Variants in MAPK10 observed in about 807,000 individuals in gnomAD.
MAPK10 encodes mitogen-activated protein kinase 10, also known as JNK3 alpha protein kinase.
In MAPK10, 25 loss-of-function variants were observed where a neutral mutation model predicts 59.3. That is an observed-to-expected ratio of 0.42 (90% CI 0.31 to 0.59). The LOEUF (loss-of-function observed/expected upper bound fraction) is 0.59, where lower values mean the gene tolerates loss of function less well. Among genes scored for constraint, MAPK10 ranks in the 20% least tolerant of loss-of-function variants. The pLI, the probability that MAPK10 is intolerant of heterozygous loss-of-function variation, is 0.15. For missense variants in MAPK10, 351 were observed against 568.9 expected (o/e 0.62, Z 3.90); for synonymous variants, 190 against 200.5 (o/e 0.95, Z 0.44).
chr4:86,374,484 G>A (rs1739459556), intron 1 of MAPK10, among the ~76,000 whole-genome samples: 1 of 152,156 alleles, frequency 6.6e-6, no homozygotes, highest in African/African-American at 2.4e-5. Flanking sequence ...CTAAATCACT[G>A]TCCAATCATT....
intron 2 of MAPK10, among the ~76,000 whole-genome samples, chr4:86,298,630 T>C (rs895911296): frequency 6.6e-6 from 1 of 152,250 alleles, no homozygotes; most frequent in African/African-American, 2.4e-5. Flanking sequence ...GCCAGGCATA[T>C]AGTAGACACT....
intron 1 of MAPK10, among the ~76,000 whole-genome samples, chr4:86,355,231 C>G (rs1733792471): frequency 6.6e-6 from 1 of 152,096 alleles, no homozygotes; most frequent in African/African-American, 2.4e-5. Context: ...CAACATTCTA[C>G]CCAATGTCAA....
chr4:86,201,366 T>A (rs1381133381), intron 2 of MAPK10, among the ~76,000 whole-genome samples: 1 of 151,902 alleles, frequency 6.6e-6, no homozygotes, highest in Non-Finnish European at 1.5e-5. Flanking sequence ...CTGCCAACAT[T>A]TGATGTAATC....
chr4:86,301,543 C>A (rs17408832), intron 2 of MAPK10, among the ~76,000 whole-genome samples: 2 of 151,890 alleles, frequency 1.3e-5, no homozygotes. Context: ...ATCTATTATC[C>A]TCTTTAATGA....
intron 1 of MAPK10, among the ~76,000 whole-genome samples, chr4:86,495,203 G>A (rs925389865): frequency 6.6e-6 from 1 of 152,092 alleles, no homozygotes; most frequent in Admixed American, 6.5e-5. Context: ...TTAATGATAT[G>A]GTAAGATGGG....
chr4:86,333,610 G>C (rs2096206568), intron 2 of MAPK10, among the ~76,000 whole-genome samples: 1 of 152,164 alleles, frequency 6.6e-6, no homozygotes, highest in South Asian at 2.1e-4. Flanking sequence ...TCTCTTCCCA[G>C]AGTTTCTGGA....
chr4:86,207,563 GT>G (rs1725788728), intron 2 of MAPK10, among the ~76,000 whole-genome samples: 1 of 152,118 alleles, frequency 6.6e-6, no homozygotes, highest in Non-Finnish European at 1.5e-5. Flanking sequence ...CTTTAAAGTA[GT>G]TTTTTCCAAT....
At chr4:86,100,376 T>C (rs2055117656) in intron 8 of MAPK10, 1 of 152,174 alleles carries the variant, frequency 6.6e-6, no homozygotes, top group Non-Finnish European at 1.5e-5. Context: ...ATTCCTTCCA[T>C]AGCCTTCATT....
intron 1 of MAPK10, among the ~76,000 whole-genome samples, chr4:86,408,692 A>G: frequency 6.6e-6 from 1 of 152,194 alleles, no homozygotes; most frequent in East Asian, 1.9e-4. Context: ...GGCTGCATAA[A>G]TGTCTTCTTT....
intron 2 of MAPK10, among the ~76,000 whole-genome samples, chr4:86,304,387 CTTT>C (rs1162506350): frequency 3.6e-5 from 4 of 112,558 alleles, no homozygotes; most frequent in African/African-American, 3.8e-5. Flanking sequence ...TGGAGTATTT[CTTT>C]TTTTTTTTTT....
intron 2 of MAPK10, among the ~76,000 whole-genome samples, chr4:86,285,373 T>A (rs541571507): frequency 6.6e-6 from 1 of 152,006 alleles, no homozygotes; most frequent in Non-Finnish European, 1.5e-5. Context: ...CACACCACCA[T>A]GCCCAGCTAA....
intron 2 of MAPK10, among the ~76,000 whole-genome samples, chr4:86,240,115 C>A (rs1305202096): frequency 6.6e-6 from 1 of 152,176 alleles, no homozygotes; most frequent in Non-Finnish European, 1.5e-5. Context: ...ATCCAGGAGT[C>A]ATTCCGGAGC....
At chr4:86,082,825 A>G (rs1452908731) in intron 9 of MAPK10, among the ~76,000 whole-genome samples, 1 of 152,180 alleles carries the variant, frequency 6.6e-6, no homozygotes, top group South Asian at 2.1e-4. Context: ...TTGTCATTAA[A>G]TCTGTACTAA....
intron 2 of MAPK10, among the ~76,000 whole-genome samples, chr4:86,265,726 C>T (rs1047056050): frequency 2.0e-5 from 3 of 152,060 alleles, no homozygotes; most frequent in Non-Finnish European, 4.4e-5. Context: ...CCCATTTAAC[C>T]CCTCAGGATA....
chr4:86,185,974 G>A (rs893912339), intron 3 of MAPK10, among the ~76,000 whole-genome samples: 2 of 151,992 alleles, frequency 1.3e-5, no homozygotes, highest in Admixed American at 6.6e-5. Flanking sequence ...GAAAATGTTT[G>A]GGTTGGAGAT....
intron 3 of MAPK10, among the ~76,000 whole-genome samples, chr4:86,179,975 A>AC (rs1562768730): frequency 6.6e-6 from 1 of 151,294 alleles, no homozygotes; most frequent in African/African-American, 2.4e-5. Flanking sequence ...CAACAAAACA[A>AC]AAAAAAATGG....
chr4:86,032,599 GA>G (rs1283724715), intron 11 of MAPK10: 1 of 152,150 alleles, frequency 6.6e-6, no homozygotes, highest in Non-Finnish European at 1.5e-5. Flanking sequence ...AAGATTTTCA[GA>G]GACAGCTTCT....
chr4:86,395,502 T>C (rs960210006), intron 1 of MAPK10, among the ~76,000 whole-genome samples: 1 of 152,196 alleles, frequency 6.6e-6, no homozygotes, highest in African/African-American at 2.4e-5. Flanking sequence ...TGAATCATTA[T>C]AATAAAATGG....
intron 2 of MAPK10, among the ~76,000 whole-genome samples, chr4:86,301,078 T>C (rs1185867249): frequency 1.3e-5 from 2 of 151,998 alleles, no homozygotes; most frequent in Non-Finnish European, 2.9e-5. Context: ...CTCCCATGCA[T>C]TGTAGGATGG....
Sources: gnomAD v4.1 joint callset for allele counts (sites outside exome capture counted in the v4.1 genomes callset) on GRCh38, gnomAD v4.1.1 for gene constraint, MANE v1.5 for transcripts, NCBI Gene and HGNC (gene_info 2026-07-23, HGNC 2026-07-21) for gene names.